The following TENM2 variants were observed in gnomAD, a reference collection of about 807,000 sequenced individuals.
TENM2 encodes teneurin transmembrane protein 2.
In TENM2, 52 loss-of-function variants were observed where a neutral mutation model predicts 245.2. The observed-to-expected ratio is 0.21, with a 90% CI of 0.17 to 0.27. The LOEUF (loss-of-function observed/expected upper bound fraction) is 0.27. Among genes scored for constraint, TENM2 ranks in the 10% least tolerant of loss-of-function variants. TENM2 has a pLI of 1.00. For missense variants in TENM2, 3,046 were observed against 3,666.8 expected, an observed-to-expected ratio of 0.83 and a Z score of 4.37; for synonymous variants, 1,363 against 1,438.9, an observed-to-expected ratio of 0.95 and a Z score of 1.19.
chr5:167,850,918 T>G (rs1205167414), intron 2 of TENM2, among the ~76,000 whole-genome samples: 1 of 152,188 alleles, frequency 6.6e-6, no homozygotes, highest in African/African-American at 2.4e-5. Flanking sequence ...TGCTAAATCA[T>G]TACAACTCTG....
chr5:167,938,275 T>A (rs1778891470), intron 3 of TENM2, among the ~76,000 whole-genome samples: 2 of 152,182 alleles, frequency 1.3e-5, no homozygotes. Context: ...TGTGCATATG[T>A]GTAGACCCAA....
exon 27 of TENM2, chr5:168,248,140 T>C: frequency 6.2e-7 from 1 of 1,613,910 alleles, no homozygotes; most frequent in Non-Finnish European, 8.5e-7. Context: ...TTATTATGAC[T>C]CCAACCCCGA....
At chr5:167,070,133 T>TTTATTTATTCATTTATTTA in the TENM2 span, among the ~76,000 whole-genome samples, 1 of 147,792 alleles carries the variant, frequency 6.8e-6, no homozygotes, top group African/African-American at 2.5e-5. Context: ...TTATTTATTT[T>TTTATTTATTCATTTATTTA]TTGAGACAGA....
the TENM2 span, among the ~76,000 whole-genome samples, chr5:167,268,787 T>G: frequency 6.6e-6 from 1 of 152,008 alleles, no homozygotes; most frequent in Non-Finnish European, 1.5e-5. Flanking sequence ...TGCAAAAAGT[T>G]TTACTGTCTG....
chr5:167,520,034 C>T (rs954381846), intron 2 of TENM2, among the ~76,000 whole-genome samples: 1 of 152,102 alleles, frequency 6.6e-6, no homozygotes, highest in African/African-American at 2.4e-5. Context: ...AACCTTGATT[C>T]AATACTTTGT....
intron 2 of TENM2, among the ~76,000 whole-genome samples, chr5:167,557,560 C>G (rs1773332728): frequency 6.6e-6 from 1 of 152,172 alleles, no homozygotes; most frequent in African/African-American, 2.4e-5. Flanking sequence ...GCATGCCAAG[C>G]ATGTAGGAAA....
chr5:167,328,365 C>A (rs1470434886), intron 1 of TENM2, among the ~76,000 whole-genome samples: 1 of 151,962 alleles, frequency 6.6e-6, no homozygotes, highest in Non-Finnish European at 1.5e-5. Context: ...CACCACCATG[C>A]CCAGCTAATT....
chr5:168,079,224 C>G (rs1185423013), intron 7 of TENM2, among the ~76,000 whole-genome samples: 6 of 152,154 alleles, frequency 3.9e-5, no homozygotes, highest in African/African-American at 1.4e-4. Context: ...TGATTTGGCT[C>G]TCTGTTTGTC....
the TENM2 span, among the ~76,000 whole-genome samples, chr5:167,079,465 CACCA>C: frequency 6.6e-6 from 1 of 150,960 alleles, no homozygotes; most frequent in Non-Finnish European, 1.5e-5. Flanking sequence ...GGGCATGCGC[CACCA>C]TGCCTGGCAA....
chr5:167,210,473 T>G, the TENM2 span, among the ~76,000 whole-genome samples: 2 of 148,744 alleles, frequency 1.3e-5, no homozygotes, highest in Non-Finnish European at 3.0e-5. Context: ...TTTTTTTTTT[T>G]TGAGACGGAG....
At chr5:167,352,714 A>G (rs1247594515) in intron 1 of TENM2, among the ~76,000 whole-genome samples, 1 of 152,246 alleles carries the variant, frequency 6.6e-6, no homozygotes, top group Non-Finnish European at 1.5e-5. Context: ...AAATTTGGCA[A>G]TCTTCTTCTT....
chr5:167,489,265 C>T (rs1768277452), intron 2 of TENM2, among the ~76,000 whole-genome samples: 1 of 152,182 alleles, frequency 6.6e-6, no homozygotes, highest in South Asian at 2.1e-4. Context: ...CTTACAATGA[C>T]CTATGCAATC....
intron 5 of TENM2, among the ~76,000 whole-genome samples, chr5:167,997,651 T>A (rs1784153818): frequency 6.6e-6 from 1 of 152,238 alleles, no homozygotes; most frequent in Non-Finnish European, 1.5e-5. Context: ...ATTTTAATTA[T>A]GCCCCCTGGT....
intron 25 of TENM2, among the ~76,000 whole-genome samples, chr5:168,238,230 A>G (rs1440833461): frequency 1.0e-5 from 1 of 96,510 alleles, no homozygotes; most frequent in Non-Finnish European, 2.2e-5. Flanking sequence ...AGAAGAAAAG[A>G]AAAGAAAAGA....
At chr5:167,377,808 G>T (rs748365740) in intron 2 of TENM2, among the ~76,000 whole-genome samples, 1 of 152,114 alleles carries the variant, frequency 6.6e-6, no homozygotes, top group South Asian at 2.1e-4. Context: ...TGCCCCACTG[G>T]TTCCACACCA....
intron 12 of TENM2, among the ~76,000 whole-genome samples, chr5:168,153,317 T>A (rs1408676073): frequency 6.6e-6 from 1 of 152,134 alleles, no homozygotes; most frequent in Non-Finnish European, 1.5e-5. Flanking sequence ...GGCTCCCAGG[T>A]GATTTGAAAG....
intron 2 of TENM2, among the ~76,000 whole-genome samples, chr5:167,827,216 A>G (rs1768042115): frequency 6.6e-6 from 1 of 152,238 alleles, no homozygotes; most frequent in Non-Finnish European, 1.5e-5. Flanking sequence ...AACCAATGTT[A>G]CTAGAAACAT....
intron 3 of TENM2, among the ~76,000 whole-genome samples, chr5:167,891,235 T>C (rs894613803): frequency 2.6e-5 from 4 of 152,212 alleles, no homozygotes; most frequent in African/African-American, 7.2e-5. Flanking sequence ...TAACTGCTAA[T>C]AGACAAATTT....
chr5:167,647,954 G>A (rs539804270), intron 2 of TENM2, among the ~76,000 whole-genome samples: 1 of 152,282 alleles, frequency 6.6e-6, no homozygotes, highest in African/African-American at 2.4e-5. Flanking sequence ...AAGAGTGCCT[G>A]GGGCACAAGC....
Sources: gnomAD v4.1 joint callset for allele counts (sites outside exome capture counted in the v4.1 genomes callset) on GRCh38, gnomAD v4.1.1 for gene constraint, MANE v1.5 for transcripts, NCBI Gene and HGNC (gene_info 2026-07-23, HGNC 2026-07-21) for gene names.